The following LRP1B variants were observed in gnomAD, a reference collection of about 807,000 sequenced individuals.
The protein encoded by LRP1B is LDL receptor related protein 1B.
LRP1B carries 217 observed loss-of-function variants against 556.6 expected under a neutral mutation model. The observed-to-expected ratio is 0.39, with a 90% CI of 0.35 to 0.44. The LOEUF is 0.44. LRP1B is among the 20% of genes least tolerant of loss of function. The pLI, the probability that LRP1B is intolerant of heterozygous loss-of-function variation, is 1.00. For synonymous variants in LRP1B, 2,047 were observed against 1,865.8 expected, an observed-to-expected ratio of 1.10 and a Z score of -2.50; for missense variants, 5,053 against 5,620.8, an observed-to-expected ratio of 0.90 and a Z score of 3.23.
At chr2:141,954,092 C>T (rs1436608722) in intron 1 of LRP1B, among the ~76,000 whole-genome samples, 3 of 152,106 alleles carry the variant, frequency 2.0e-5, no homozygotes, top group Admixed American at 6.6e-5. Context: ...GAAAGTCAAG[C>T]CTTACCTTCA....
chr2:140,678,057 G>T (rs1685734415), intron 41 of LRP1B, among the ~76,000 whole-genome samples: 1 of 152,182 alleles, frequency 6.6e-6, no homozygotes, highest in African/African-American at 2.4e-5. Flanking sequence ...ATAGTAAAAA[G>T]CAGAGCCACA....
At chr2:141,703,833 A>G (rs1354308700) in intron 2 of LRP1B, among the ~76,000 whole-genome samples, 1 of 151,936 alleles carries the variant, frequency 6.6e-6, no homozygotes, top group Non-Finnish European at 1.5e-5. Flanking sequence ...TCATTTGCCA[A>G]TGAGCTGGCT....
chr2:141,596,980 TAA>T (rs1005118041), intron 2 of LRP1B, among the ~76,000 whole-genome samples: 1 of 151,398 alleles, frequency 6.6e-6, no homozygotes, highest in African/African-American at 2.4e-5. Flanking sequence ...CATATATATG[TAA>T]AAAAAAGTCA....
intron 20 of LRP1B, among the ~76,000 whole-genome samples, chr2:140,948,490 G>T (rs1228755707): frequency 1.3e-5 from 2 of 152,194 alleles, no homozygotes; most frequent in Non-Finnish European, 2.9e-5. Flanking sequence ...TGAGCTAGAG[G>T]TAAAGAGAGA....
chr2:140,792,699 G>A (rs1041624797), intron 32 of LRP1B, among the ~76,000 whole-genome samples: 1 of 152,130 alleles, frequency 6.6e-6, no homozygotes, highest in South Asian at 2.1e-4. Context: ...AAAAGAACCA[G>A]ATGTTTCTCT....
intron 31 of LRP1B, among the ~76,000 whole-genome samples, chr2:140,831,762 A>G (rs906584681): frequency 2.0e-5 from 3 of 152,246 alleles, no homozygotes; most frequent in Admixed American, 2.0e-4. Context: ...AAATATTTAC[A>G]AACTATCCAT....
rs1250036341 is a variant in LRP1B at position 140,828,715 on chromosome 2, G to A, written c.5209+11276C>T. On this transcript the variant is annotated intron_variant, in intron 31 of 90. Coordinates refer to ENST00000389484, the MANE Select transcript of LRP1B (RefSeq NM_018557.3). Reference sequence around the variant, plus strand: ...TGAGGCAGGAGAATGGCGTGAACCCGGGAGGCGGAGCTTGCAGTGAACCGA... The same window carrying A: ...TGAGGCAGGAGAATGGCGTGAACCCAGGAGGCGGAGCTTGCAGTGAACCGA... Among the ~76,000 whole-genome samples, 5 of 72,316 alleles carry A rather than the reference G, an allele frequency of 6.9e-5. 2 individuals carry two copies. Among genetic ancestry groups the A allele is most frequent in the African/African-American group, 2.1e-4 (5 of 24,010 alleles). The allele number at this position is 72,316 out of a possible 152,430, so 47.4% of individuals were successfully genotyped here.
chr2:141,145,545 T>TA (rs1328459662), intron 7 of LRP1B, among the ~76,000 whole-genome samples: 5 of 151,884 alleles, frequency 3.3e-5, no homozygotes, highest in Admixed American at 3.3e-4. Context: ...CTTTTTTTTT[T>TA]TTTTAGAGAC....
intron 1 of LRP1B, among the ~76,000 whole-genome samples, chr2:141,909,538 T>A (rs952964923): frequency 1.6e-4 from 8 of 48,942 alleles, no homozygotes; most frequent in South Asian, 9.2e-4. Context: ...TTTTTTTTTT[T>A]TTTTTTTTTT....
At chr2:140,513,337 A>G (rs927686688) in intron 51 of LRP1B, among the ~76,000 whole-genome samples, 1 of 152,066 alleles carries the variant, frequency 6.6e-6, no homozygotes, top group East Asian at 1.9e-4. Flanking sequence ...AGTGTTATCA[A>G]CGGGGCAGTT....
At chr2:141,638,079 G>A (rs988216850) in intron 2 of LRP1B, among the ~76,000 whole-genome samples, 1 of 152,068 alleles carries the variant, frequency 6.6e-6, no homozygotes, top group African/African-American at 2.4e-5. Context: ...CTCATCTGTA[G>A]TCCCAGATAC....
chr2:142,111,891 C>G (rs955901873), intron 1 of LRP1B, among the ~76,000 whole-genome samples: 5 of 151,992 alleles, frequency 3.3e-5, no homozygotes, highest in African/African-American at 1.2e-4. Context: ...TACTAGGTAT[C>G]ATTATCCCCA....
chr2:140,911,124 C>A lies in LRP1B; in HGVS notation c.3320-3047G>T, dbSNP rs529431007. Among the ~76,000 whole-genome samples, 44 of 151,880 alleles carry A rather than the reference C, an allele frequency of 2.9e-4. 1 individual carries two copies. In the South Asian group the frequency reaches 6.2e-3, roughly 21 times the overall value. ...GTCAATCTACATAAGTGAATGAAAACTAATTTTCAAGCTTAATTAATTTAA... is the reference window on the plus strand; with the variant it reads ...GTCAATCTACATAAGTGAATGAAAAATAATTTTCAAGCTTAATTAATTTAA... On this transcript the variant is annotated intron_variant, in intron 21 of 90. Coordinates refer to ENST00000389484, the MANE Select transcript of LRP1B (RefSeq NM_018557.3).
chr2:140,503,057 C>A lies in LRP1B; in HGVS notation c.8568G>T (p.Arg2856=), dbSNP rs756040702. 6.2e-6 allele frequency: 10 copies of A among 1,613,288 alleles called. No homozygotes were observed. The highest frequency in any genetic ancestry group is 8.5e-6 in the Non-Finnish European group (10 of 1,179,382). ...GTEEFSCADG[R]CLLNTQWQCD... is the part of the protein sequence containing the mutation. ...ACTGCCATTGAGTATTTAGAAGACA[C>A]CGCCCATCAGCACAACTAAATTCTT... Residue 2856 remains arginine, a synonymous_variant, in exon 54 of 91, where the codon CGG becomes CGT. Transcript: ENST00000389484.
intron 89 of LRP1B, among the ~76,000 whole-genome samples, chr2:140,236,181 G>T (rs1486958): frequency 0.58 from 87,506 of 150,520 alleles, 25,919 homozygotes; most frequent in Non-Finnish European, 0.64. Flanking sequence ...GAAGTGAATA[G>T]TTGAGCATCA....
chr2:140,430,010 T>C (rs1228625798), intron 66 of LRP1B, among the ~76,000 whole-genome samples: 1 of 152,148 alleles, frequency 6.6e-6, no homozygotes, highest in Non-Finnish European at 1.5e-5. Flanking sequence ...TCATTATTCC[T>C]GATACCACAC....
chr2:140,507,100 ATGTC>A (rs1298364081), intron 52 of LRP1B, among the ~76,000 whole-genome samples, 182 bp from the exon 53 acceptor site: 3 of 152,202 alleles, frequency 2.0e-5, no homozygotes, highest in Non-Finnish European at 4.4e-5. Flanking sequence ...TTATATTAGA[ATGTC>A]TGAATATAAA....
At chr2:142,059,383 T>C (rs770584725) in intron 1 of LRP1B, among the ~76,000 whole-genome samples, 4 of 152,170 alleles carry the variant, frequency 2.6e-5, no homozygotes, top group Non-Finnish European at 4.4e-5. Context: ...CAATATTGTT[T>C]GTTCCTTATA....
Position 140,487,667 on chromosome 2 carries a change from G to T in LRP1B, c.9193C>A (p.Pro3065Thr), listed in dbSNP as rs772868995. ...EFIYWIDSSR[P>T]NGSRINRMCL... Reference sequence around the variant, plus strand: ...ATTCTATTTATGCGACTGCCATTGGGTCGGCTAGAATCGATCCAATAGATG... The same window carrying T: ...ATTCTATTTATGCGACTGCCATTGGTTCGGCTAGAATCGATCCAATAGATG... Residue 3065 changes from proline to threonine, a missense_variant, in exon 58 of 91, where the codon CCC becomes ACC. Coordinates refer to ENST00000389484, the MANE Select transcript of LRP1B (RefSeq NM_018557.3). 12 of 1,605,358 alleles carry T rather than the reference G, an allele frequency of 7.5e-6. No homozygotes were observed. Among genetic ancestry groups the T allele is most frequent in the Non-Finnish European group, 8.5e-6 (10 of 1,174,234 alleles).
Sources: allele counts gnomAD v4.1 joint callset (sites outside exome capture counted in the v4.1 genomes callset), GRCh38; gene constraint gnomAD v4.1.1; transcripts MANE v1.5; gene names NCBI Gene and HGNC (gene_info 2026-07-23, HGNC 2026-07-21).